ADGB: variants seen among roughly 807,000 people sequenced by gnomAD.
The protein encoded by ADGB is androglobin.
In ADGB, 172 loss-of-function variants were observed where a neutral mutation model predicts 210.5. The ratio of observed to expected loss-of-function variants is 0.82; its 90% CI spans 0.72 to 0.93. The LOEUF (loss-of-function observed/expected upper bound fraction) is 0.93, where lower values mean the gene tolerates loss of function less well. Ranked by LOEUF, ADGB falls within the 40% of genes least tolerant of loss-of-function variation. The pLI is 0.00. For synonymous variants in ADGB, 658 were observed against 662.7 expected (o/e 0.99, Z 0.11); for missense variants, 2,025 against 1,964.8 (o/e 1.03, Z -0.58).
At chr6:146,652,695 A>C (rs1775719640) in intron 3 of ADGB, among the ~76,000 whole-genome samples, 1 of 152,152 alleles carries the variant, frequency 6.6e-6, no homozygotes, top group Non-Finnish European at 1.5e-5. Context: ...ATCTAACAGG[A>C]TATTAACTTG....
chr6:146,642,901 C>G (rs1040760228), intron 2 of ADGB, among the ~76,000 whole-genome samples: 29 of 151,582 alleles, frequency 1.9e-4, no homozygotes, highest in Non-Finnish European at 3.8e-4. Context: ...TATGTACCCC[C>G]AATTATAAAA....
intron 33 of ADGB, among the ~76,000 whole-genome samples, chr6:146,792,412 A>T (rs997444623): frequency 1.3e-5 from 2 of 152,122 alleles, no homozygotes; most frequent in African/African-American, 4.8e-5. Context: ...TATTTTCTCC[A>T]AGGCTGCACC....
At chr6:146,684,457 A>C (rs144525558) in intron 9 of ADGB, among the ~76,000 whole-genome samples, 174 of 152,118 alleles carry the variant, frequency 1.1e-3, no homozygotes, top group African/African-American at 4.2e-3. Flanking sequence ...AAGTAACTGG[A>C]CTGTAAATTA....
chr6:146,745,606 A>G (rs551534860), intron 25 of ADGB, among the ~76,000 whole-genome samples: 2 of 152,352 alleles, frequency 1.3e-5, no homozygotes, highest in East Asian at 3.9e-4. Flanking sequence ...GTGCAATGAT[A>G]AAAATCTGCC....
intron 33 of ADGB, among the ~76,000 whole-genome samples, chr6:146,796,521 G>A (rs1575788): frequency 1.3e-5 from 2 of 152,032 alleles, no homozygotes; most frequent in East Asian, 1.9e-4. Flanking sequence ...AAACAGACAC[G>A]TAGACAATGG....
rs572460285 is a variant in ADGB, at chr6:146,703,035, T to C, written c.1707+1965T>C. On this transcript the variant is annotated intron_variant, in intron 13 of 35. Transcript: ENST00000397944. ...TGCTTTTCCATTGAACTGGTTGTTA[T>C]TGTGACTGAACAGCTTTGTATACAT... Among the ~76,000 whole-genome samples the C allele has an allele frequency of 4.1e-3, 618 of 152,062 alleles. 3 individuals are homozygous for C. The highest frequency in any genetic ancestry group is 6.4e-3 in the Non-Finnish European group (434 of 67,840).
At chr6:146,774,294 T>C (rs994122054) in intron 29 of ADGB, among the ~76,000 whole-genome samples, 1 of 152,168 alleles carries the variant, frequency 6.6e-6, no homozygotes, top group African/African-American at 2.4e-5. Context: ...AATGTAAATA[T>C]GTAGAATTGG....
intron 20 of ADGB, among the ~76,000 whole-genome samples, chr6:146,729,929 C>T (rs575888707): frequency 1.3e-5 from 2 of 152,278 alleles, no homozygotes; most frequent in African/African-American, 4.8e-5. Context: ...GGTCTCCACC[C>T]TTTAAACACC....
intron 30 of ADGB, among the ~76,000 whole-genome samples, chr6:146,784,003 A>G (rs775972878): frequency 6.6e-6 from 1 of 152,208 alleles, no homozygotes; most frequent in Non-Finnish European, 1.5e-5. Flanking sequence ...TTATAATTTA[A>G]TGTGTACAGT....
At chr6:146,731,384 C>A (rs1320235264) in intron 20 of ADGB, among the ~76,000 whole-genome samples, 2 of 150,838 alleles carry the variant, frequency 1.3e-5, no homozygotes, top group South Asian at 4.2e-4. Flanking sequence ...ATAGTCTCTA[C>A]AGCTACCACT....
intron 13 of ADGB, 134 bp downstream of exon 13, chr6:146,701,204 A>G: frequency 9.7e-7 from 1 of 1,032,442 alleles, no homozygotes; most frequent in Non-Finnish European, 1.4e-6. Flanking sequence ...GTGTTAAAAT[A>G]AATCTCTTAT....
intron 35 of ADGB, among the ~76,000 whole-genome samples, chr6:146,807,992 GTT>G (rs369961809): frequency 2.8e-4 from 29 of 103,136 alleles, no homozygotes; most frequent in Admixed American, 8.7e-4. Context: ...CTATGCTTCA[GTT>G]TTTTTTTTTT....
At chr6:146,668,605 T>C (rs1480496653) in intron 7 of ADGB, among the ~76,000 whole-genome samples, 2 of 152,084 alleles carry the variant, frequency 1.3e-5, no homozygotes, top group African/African-American at 2.4e-5. Flanking sequence ...TTTAAAAGTA[T>C]GGAGCTCTAT....
chr6:146,630,759 G>A (rs1364885928), intron 1 of ADGB, among the ~76,000 whole-genome samples: 1 of 152,154 alleles, frequency 6.6e-6, no homozygotes, highest in Non-Finnish European at 1.5e-5. Context: ...GGCTTTCCAA[G>A]AGTTTAATTG....
At position 146,740,588 on chromosome 6, in the gene ADGB, A is replaced by G. The variant is rs1177782265; in HGVS notation, c.3018A>G (p.Val1006=). Residue 1006 remains valine, a synonymous_variant, in exon 24 of 36, where the codon GTA becomes GTG. Coordinates refer to ENST00000397944, the MANE Select transcript of ADGB (RefSeq NM_024694.4). ...AGCCACCAAATTCTTGGTTTATAGT[A>G]TTCAGGTGAGGTTGTTATATAGTGA... The part of the protein sequence containing the change: ...QEQPPNSWFI[V]FRETFLVHQD... The G allele has an allele frequency of 2.6e-6, 4 of 1,550,314 alleles. No homozygotes were observed. Among genetic ancestry groups the G allele is most frequent in the Non-Finnish European group, 3.5e-6 (4 of 1,146,424 alleles).
At chr6:146,800,749 T>C (rs1778116569) in intron 33 of ADGB, among the ~76,000 whole-genome samples, 1 of 152,178 alleles carries the variant, frequency 6.6e-6, no homozygotes, top group Non-Finnish European at 1.5e-5. Context: ...TCAGTATAAA[T>C]ATGTAAAAAA....
chr6:146,716,440 A>C (rs2114564879), intron 14 of ADGB, among the ~76,000 whole-genome samples: 1 of 140,306 alleles, frequency 7.1e-6, no homozygotes, highest in Non-Finnish European at 1.5e-5. Flanking sequence ...AAATACAAAA[A>C]AAATTAGCCG....
At chr6:146,718,888 G>T (rs968972132) in intron 16 of ADGB, among the ~76,000 whole-genome samples, 1 of 152,168 alleles carries the variant, frequency 6.6e-6, no homozygotes, top group African/African-American at 2.4e-5. Context: ...CCTTCACCTA[G>T]TCCTGGAGTA....
rs1399006875 is a variant in ADGB, at chr6:146,788,733, T to C, written c.4537+123T>C. ...AAGTAGAAAAGATGTCTTTCCGATA[T>C]ATAGATTTTCATTTTACTTAATGGA... On this transcript the variant is annotated intron_variant, in intron 33 of 35. Transcript: ENST00000397944. 5.4e-6 allele frequency: 5 copies of C among 922,166 alleles called. No individual in the cohort carries two copies. In the Admixed American group the frequency reaches 1.0e-4, roughly 19 times the overall value. 57.1% of individuals were successfully genotyped at this position (922,166 alleles called of 1,614,324 possible).
Sources: allele counts gnomAD v4.1 joint callset (sites outside exome capture counted in the v4.1 genomes callset), GRCh38; gene constraint gnomAD v4.1.1; transcripts MANE v1.5; gene names NCBI Gene and HGNC (gene_info 2026-07-23, HGNC 2026-07-21).